NUAK2: variants seen among roughly 807,000 people sequenced by gnomAD.
NUAK2 encodes the protein NUAK family SNF1-like kinase 2.
Under a neutral mutation model 29.8 loss-of-function variants are expected in NUAK2, and 20 were observed. That is an observed-to-expected ratio of 0.67 (90% CI 0.47 to 0.98). The LOEUF (loss-of-function observed/expected upper bound fraction) is 0.98. Ranked by LOEUF, NUAK2 falls within the 50% of genes least tolerant of loss-of-function variation. The pLI is 0.00. For missense variants in NUAK2, 719 were observed against 834.5 expected (o/e 0.86, Z 1.71); for synonymous variants, 331 against 342.6 (o/e 0.97, Z 0.37).
Position 205,321,689 on chromosome 1 carries a change from A to T in NUAK2, c.-61T>A. On this transcript the variant is annotated 5_prime_UTR_variant, in exon 1 of 7. Transcript: ENST00000367157. Reference sequence around the variant, plus strand: ...CAGTAGGCTGTGCGGGGAGGGCTGAAGCGCGGGGCACAGGTCCCGCACCAG... The same window carrying T: ...CAGTAGGCTGTGCGGGGAGGGCTGATGCGCGGGGCACAGGTCCCGCACCAG... 1 of 1,392,670 alleles carries T rather than the reference A, an allele frequency of 7.2e-7. No homozygotes were observed. Among genetic ancestry groups the T allele is most frequent in the Non-Finnish European group, 9.9e-7 (1 of 1,013,286 alleles). 86.3% of individuals were successfully genotyped at this position (1,392,670 alleles called of 1,614,324 possible). A position where few individuals can be genotyped will look rare whatever the true frequency, so the allele number is the denominator to read the frequency against.
At chr1:205,316,156 T>G (rs904357917) in intron 1 of NUAK2, among the ~76,000 whole-genome samples, 19 of 152,216 alleles carry the variant, frequency 1.2e-4, no homozygotes, top group African/African-American at 3.4e-4. Flanking sequence ...AATCCTTATT[T>G]GCCCCTATAG....
intron 5 of NUAK2, 57 bp downstream of exon 5, chr1:205,306,131 G>A: frequency 1.3e-6 from 2 of 1,534,156 alleles, no homozygotes; most frequent in Non-Finnish European, 1.7e-6. Context: ...AATCTCCCAG[G>A]ATCTAAAGTC....
In NUAK2 at chr1:205,306,326, C is replaced by T; in HGVS notation, c.571-19G>A. Reference sequence around the variant, plus strand: ...CAGCAATCTGCAGGATTGAGTCAAACACGGGCACAGGTCATGTCAAGGCCT... The same window carrying T: ...CAGCAATCTGCAGGATTGAGTCAAATACGGGCACAGGTCATGTCAAGGCCT... On this transcript the variant is annotated intron_variant, in intron 4 of 6. Coordinates refer to ENST00000367157, the MANE Select transcript of NUAK2 (RefSeq NM_030952.3). The T allele has an allele frequency of 6.2e-7, 1 of 1,605,184 alleles. No homozygotes were observed. The highest frequency in any genetic ancestry group is 8.5e-7 in the Non-Finnish European group (1 of 1,175,868).
chr1:205,312,907 T>C (rs1360588796), intron 1 of NUAK2, among the ~76,000 whole-genome samples: 1 of 152,184 alleles, frequency 6.6e-6, no homozygotes, highest in Non-Finnish European at 1.5e-5. Flanking sequence ...TTCTGACACA[T>C]GCTATAACAT....
In NUAK2 at chr1:205,308,548, C is replaced by A. The variant is rs745398262; in HGVS notation, c.504+33G>T. 6.2e-7 allele frequency: 1 copy of A among 1,601,536 alleles called. No homozygotes were observed. Among genetic ancestry groups the A allele is most frequent in the Admixed American group, 1.7e-5 (1 of 59,828 alleles). The stretch of plus-strand genomic sequence containing the variant: ...GCCCTAGAGCCCTGGGGACCACCCA[C>A]TGAGAATATGGCTGGAGCAGGTAGG... On this transcript the variant is annotated intron_variant, in intron 3 of 6. Coordinates refer to ENST00000367157, the MANE Select transcript of NUAK2 (RefSeq NM_030952.3). The surrounding 1 kb of genome is among the most constrained non-coding windows in gnomAD (Gnocchi z 4.1).
Position 205,303,369 on chromosome 1 carries a change from G to A in NUAK2, c.*81C>T. 2 of 1,253,372 alleles carry A rather than the reference G, an allele frequency of 1.6e-6. No homozygotes were observed. The allele number at this position is 1,253,372 out of a possible 1,614,324, so 77.6% of individuals were successfully genotyped here. ...TGAGCTGGGATGCAGGTCCTGGGAGGTGGGGGAGAAGGCATCTCCCCTCGG... is the reference window on the plus strand; with the variant it reads ...TGAGCTGGGATGCAGGTCCTGGGAGATGGGGGAGAAGGCATCTCCCCTCGG... On this transcript the variant is annotated 3_prime_UTR_variant, in exon 7 of 7. Transcript: ENST00000367157.
rs530934044 is a variant in NUAK2 at position 205,308,641 on chromosome 1, A to G, written c.444T>C (p.Ser148=). 3.1e-6 allele frequency: 5 copies of G among 1,613,972 alleles called. No homozygotes were observed. The highest frequency in any genetic ancestry group is 4.2e-6 in the Non-Finnish European group (5 of 1,180,024). Residue 148 remains serine, a synonymous_variant, in exon 3 of 7, where the codon AGT becomes AGC. Coordinates refer to ENST00000367157, the MANE Select transcript of NUAK2 (RefSeq NM_030952.3). The surrounding 1 kb of genome is among the most constrained non-coding windows in gnomAD (Gnocchi z 4.1). ...YDYISERQQL[S]EREARHFFRQ... is the part of the protein sequence containing the mutation. ...GGAAGAAATGCCTAGCTTCGCGCTC[A>G]CTGAGCTGCTGCCGCTCGCTGATGT... is the stretch of plus-strand genomic sequence containing the variant.
chr1:205,310,441 G>T (rs1662241764), intron 2 of NUAK2, among the ~76,000 whole-genome samples: 1 of 152,180 alleles, frequency 6.6e-6, no homozygotes, highest in African/African-American at 2.4e-5. Flanking sequence ...GATGAATTTG[G>T]GGGAGCCCCT....
chr1:205,309,429 C>T (rs1239227439), intron 2 of NUAK2, among the ~76,000 whole-genome samples: 2 of 152,182 alleles, frequency 1.3e-5, no homozygotes, highest in Admixed American at 6.5e-5. Context: ...CAGGCTCAAG[C>T]GATTCTCCTG....
intron 1 of NUAK2, among the ~76,000 whole-genome samples, chr1:205,316,051 C>A (rs1169092867): frequency 6.6e-6 from 1 of 152,016 alleles, no homozygotes; most frequent in African/African-American, 2.4e-5. Context: ...TATATGGCCA[C>A]CCTACTCAGA....
intron 1 of NUAK2, among the ~76,000 whole-genome samples, chr1:205,313,670 T>G (rs945991739): frequency 3.3e-5 from 5 of 151,662 alleles, no homozygotes; most frequent in Non-Finnish European, 5.9e-5. Context: ...CCTCGGGTTT[T>G]TTTTTTTTCT....
chr1:205,320,550 C>T (rs1167841349), intron 1 of NUAK2, among the ~76,000 whole-genome samples: 1 of 152,230 alleles, frequency 6.6e-6, no homozygotes, highest in African/African-American at 2.4e-5. Context: ...AGGCGTGAGC[C>T]ACCGCGCCCG....
Position 205,321,288 on chromosome 1 carries a change from ACGCTGGCCTCTC to A in NUAK2, c.231+98_231+109del, listed in dbSNP as rs535936729. The stretch of plus-strand genomic sequence containing the variant: ...CCGCAAGCTCAGCGCGGTAAAGACC[ACGCTGGCCTCTC>A]CGCCGAGCAACGAGCGAGCCGCCGC... On this transcript the variant is annotated intron_variant, in intron 1 of 6. Coordinates refer to ENST00000367157, the MANE Select transcript of NUAK2 (RefSeq NM_030952.3). The A allele has an allele frequency of 5.0e-4, 483 of 967,590 alleles. 7 individuals are homozygous for A. In the South Asian group the frequency reaches 7.9e-3, roughly 16 times the overall value. The allele number at this position is 967,590 out of a possible 1,614,324, so 59.9% of individuals were successfully genotyped here.
rs1044569655 is a variant in NUAK2 at position 205,305,310 on chromosome 1, C to T, written c.712G>A (p.Val238Ile). 2 of 1,613,904 alleles carry T rather than the reference C, an allele frequency of 1.2e-6. No individual in the cohort carries two copies. Among genetic ancestry groups the T allele is most frequent in the Non-Finnish European group, 1.7e-6 (2 of 1,179,956 alleles). ...GPEVDSWSLG[V>I]LLYILVHGTM... ...CCATGCACCAGGATGTAGAGGAGAA[C>T]ACCCAGGGACCAGCTGTCCACCTGA... Residue 238 changes from valine to isoleucine, a missense_variant, in exon 6 of 7, where the codon GTT becomes ATT. Transcript: ENST00000367157.
At chr1:205,318,672 C>T (rs1245092698) in intron 1 of NUAK2, among the ~76,000 whole-genome samples, 2 of 152,236 alleles carry the variant, frequency 1.3e-5, no homozygotes, top group African/African-American at 2.4e-5. Context: ...TGGTGGACTC[C>T]ACCATTTCAG....
In NUAK2 at chr1:205,303,916, G is replaced by A; in HGVS notation, c.1421C>T (p.Ala474Val). The change falls in exon 7 of 7, where the codon GCA becomes GTA. Residue 474 changes from alanine to valine, a missense_variant. This residue lies in a region of NUAK2 where 430 missense variants were observed against 465.7 expected (regional missense o/e 0.92). Coordinates refer to ENST00000367157, the MANE Select transcript of NUAK2 (RefSeq NM_030952.3). ...EPSESGELLD[A>V]GDVFVSGDPK... is the part of the protein sequence containing the mutation. ...ATCCCCACTCACAAACACGTCGCCT[G>A]CGTCCAAGAGCTCCCCAGATTCACT... is the stretch of plus-strand genomic sequence containing the variant. 1 of 1,614,054 alleles carries A rather than the reference G, an allele frequency of 6.2e-7. No individual in the cohort carries two copies. The highest frequency in any genetic ancestry group is 8.5e-7 in the Non-Finnish European group (1 of 1,180,014).
chr1:205,303,726 G>A lies in NUAK2; in HGVS notation c.1611C>T (p.Ser537=), dbSNP rs1213872649. The A allele has an allele frequency of 1.3e-6, 2 of 1,537,324 alleles. No homozygotes were observed. The highest frequency in any genetic ancestry group is 1.7e-6 in the Non-Finnish European group (2 of 1,143,862). ...CCTCGCTCACAGCCCCTGAGGGTCGGCTGGCCCGGGCCAGGGGGCGAGGTG... is the reference window on the plus strand; with the variant it reads ...CCTCGCTCACAGCCCCTGAGGGTCGACTGGCCCGGGCCAGGGGGCGAGGTG... ...LAPPRPLARA[S]RPSGAVSEDS... Residue 537 remains serine (S), a synonymous_variant, in exon 7 of 7, where the codon AGC becomes AGT. Transcript: ENST00000367157.
At chr1:205,311,061 C>A (rs757630630) in intron 2 of NUAK2, among the ~76,000 whole-genome samples, 1 of 152,170 alleles carries the variant, frequency 6.6e-6, no homozygotes, top group Non-Finnish European at 1.5e-5. Context: ...AGAGAGGGCT[C>A]CCCATCTTTC....
At chr1:205,317,570 T>C (rs1662346641) in intron 1 of NUAK2, among the ~76,000 whole-genome samples, 1 of 152,172 alleles carries the variant, frequency 6.6e-6, no homozygotes, top group South Asian at 2.1e-4. Flanking sequence ...CCCTATACTG[T>C]GCTGCCCCCT....
Sources: allele counts gnomAD v4.1 joint callset (sites outside exome capture counted in the v4.1 genomes callset), GRCh38; gene constraint gnomAD v4.1.1; regional missense constraint gnomAD v4.1.1; non-coding constraint Gnocchi (gnomAD v3.1); transcripts MANE v1.5; gene names NCBI Gene and HGNC (gene_info 2026-07-23, HGNC 2026-07-21).